Variants in NFATC2 observed in about 807,000 individuals in gnomAD.
NFATC2 encodes the protein nuclear factor of activated T cells 2.
A neutral mutation model predicts 87.3 loss-of-function variants in NFATC2; 22 were observed. The ratio of observed to expected loss-of-function variants is 0.25; its 90% CI spans 0.18 to 0.36. The LOEUF is 0.36. Among genes scored for constraint, NFATC2 ranks in the 10% least tolerant of loss-of-function variants. The pLI is 1.00. For missense variants in NFATC2, 1,149 were observed against 1,259.1 expected (o/e 0.91, Z 1.32); for synonymous variants, 565 against 542.2 (o/e 1.04, Z -0.58).
chr20:51,555,753 C>T (rs1437277783), intron 1 of NFATC2, among the ~76,000 whole-genome samples: 1 of 152,142 alleles, frequency 6.6e-6, no homozygotes, highest in African/African-American at 2.4e-5. Context: ...GCTCATTCTG[C>T]CTGGAATGCT....
At chr20:51,542,324 GC>G in intron 1 of NFATC2, 45 bp downstream of exon 1, 1 of 1,581,282 alleles carries the variant, frequency 6.3e-7, no homozygotes, top group Admixed American at 1.8e-5. Flanking sequence ...CCAGGCCTGA[GC>G]CCCTGGCGGG....
intron 3 of NFATC2, among the ~76,000 whole-genome samples, chr20:51,496,646 T>C (rs890214847): frequency 2.0e-5 from 3 of 152,172 alleles, no homozygotes; most frequent in Non-Finnish European, 4.4e-5. Context: ...TAACCTCTTT[T>C]TGGGGTACTA....
intron 3 of NFATC2, among the ~76,000 whole-genome samples, chr20:51,497,595 T>C (rs1398164071): frequency 1.3e-5 from 2 of 152,148 alleles, no homozygotes; most frequent in African/African-American, 4.8e-5. Context: ...CCCCCCATGA[T>C]AGACGTTCGC....
intron 3 of NFATC2, among the ~76,000 whole-genome samples, chr20:51,497,541 G>T (rs924708664): frequency 6.6e-5 from 10 of 152,100 alleles, no homozygotes; most frequent in Admixed American, 2.6e-4. Flanking sequence ...TTCAATCCCT[G>T]CAAACAAGGC....
intron 6 of NFATC2, among the ~76,000 whole-genome samples, chr20:51,441,422 A>G (rs228830): frequency 0.52 from 79,222 of 151,712 alleles, 22,704 homozygotes; most frequent in South Asian, 0.64. Flanking sequence ...ATAAGCAAAA[A>G]TGATAAAGTT....
intron 3 of NFATC2, among the ~76,000 whole-genome samples, chr20:51,489,458 C>A (rs546711805): frequency 2.0e-5 from 3 of 152,266 alleles, no homozygotes; most frequent in South Asian, 2.1e-4. Context: ...AGATGAGAAG[C>A]AACTGTTATT....
chr20:51,499,304 C>A (rs538535431), intron 3 of NFATC2, among the ~76,000 whole-genome samples: 1 of 152,054 alleles, frequency 6.6e-6, no homozygotes, highest in African/African-American at 2.4e-5. Context: ...CCCCAGGTGA[C>A]AGAGGGGAGG....
intron 3 of NFATC2, among the ~76,000 whole-genome samples, chr20:51,504,512 G>T (rs548126685): frequency 6.6e-6 from 1 of 152,194 alleles, no homozygotes; most frequent in Non-Finnish European, 1.5e-5. Context: ...TCTCAAGGTC[G>T]TTAAAGATTT....
chr20:51,477,576 T>TATATATATATATATATATATATATATAA (rs1555803322), intron 3 of NFATC2, among the ~76,000 whole-genome samples: 1 of 73,894 alleles, frequency 1.4e-5, no homozygotes, highest in Non-Finnish European at 3.0e-5. Context: ...TATATATATA[T>TATATATATATATATATATATATATATAA]ATATAAAATA....
At chr20:51,412,980 ATCCCCCGCTCCCGCCGCCCCCCCCCC>A (rs1211594618) in intron 9 of NFATC2, among the ~76,000 whole-genome samples, 2 of 4,310 alleles carry the variant, frequency 4.6e-4, no homozygotes, top group East Asian at 9.3e-3. Flanking sequence ...CGGCCCCCCC[ATCCCCCGCTCCCGCCGCCCCCCCCCC>A]TCCCCGCCAA....
intron 3 of NFATC2, among the ~76,000 whole-genome samples, chr20:51,491,871 TACACATACAC>T (rs1472066527): frequency 0.11 from 9,657 of 86,186 alleles, 810 homozygotes; most frequent in African/African-American, 0.19. Context: ...AACACACACA[TACACATACAC>T]ACACACACAC....
Position 51,496,389 on chromosome 20 carries a change from C to A in NFATC2, c.1332+20395G>T, listed in dbSNP as rs56226521. 2.0e-5 allele frequency among the ~76,000 whole-genome samples: 3 copies of A among 151,974 alleles called. No homozygotes were observed. In the East Asian group the frequency reaches 5.8e-4, roughly 29 times the overall value. On this transcript the variant is annotated intron_variant, in intron 3 of 10. Transcript: ENST00000371564. ...ACAGAGTTCCCTCACCTCTGCACAC[C>A]CCTGAAGCCTGGACCATTCTTCCTT...
At chr20:51,448,134 T>C (rs1985303538) in intron 6 of NFATC2, among the ~76,000 whole-genome samples, 1 of 152,130 alleles carries the variant, frequency 6.6e-6, no homozygotes, top group Non-Finnish European at 1.5e-5. Flanking sequence ...GAGTCCAGCA[T>C]GAGAGACCAG....
chr20:51,511,194 AC>A (rs2076266128), intron 3 of NFATC2, among the ~76,000 whole-genome samples: 1 of 150,614 alleles, frequency 6.6e-6, no homozygotes, highest in African/African-American at 2.4e-5. Flanking sequence ...ACTCCCCACC[AC>A]CCCCTGTTGC....
intron 9 of NFATC2, 113 bp from the exon 10 acceptor site, chr20:51,398,843 C>CTTTGGCTCTAGTTTAAGCCAGAA (rs1211346485): frequency 2.9e-5 from 22 of 746,204 alleles, no homozygotes; most frequent in Non-Finnish European, 4.6e-5. Context: ...GAACTTAACC[C>CTTTGGCTCTAGTTTAAGCCAGAA]TTTGGCTCTA....
intron 2 of NFATC2, among the ~76,000 whole-genome samples, chr20:51,520,140 A>G (rs1688105877): frequency 6.6e-6 from 1 of 152,208 alleles, no homozygotes; most frequent in Non-Finnish European, 1.5e-5. Context: ...CTGACACTCA[A>G]AACCTCTCTG....
intron 10 of NFATC2, among the ~76,000 whole-genome samples, chr20:51,395,784 A>G (rs1413058447): frequency 6.7e-6 from 1 of 150,368 alleles, no homozygotes; most frequent in Non-Finnish European, 1.5e-5. Context: ...TAAGAAGGAT[A>G]TTAATATTCT....
In NFATC2 at chr20:51,527,444, C is replaced by T. The variant is rs547704755; in HGVS notation, c.131-3334G>A. On this transcript the variant is annotated intron_variant, in intron 1 of 10. Transcript: ENST00000371564. ...GTGTTCTGTGCACATCTCACCATAA[C>T]GACTGAGGAACTGTGGAGTGCTCCG... Among the ~76,000 whole-genome samples, 10 of 152,274 alleles carry T rather than the reference C, an allele frequency of 6.6e-5. No individual in the cohort carries two copies. In the South Asian group the frequency reaches 1.9e-3, roughly 28 times the overall value.
Position 51,424,104 on chromosome 20 carries a change from C to G in NFATC2, c.2722+7963G>C, listed in dbSNP as rs886551927. ...GCCCCAGGGACAGATACCTGCATAT[C>G]GTTTAGGCACCCAGGAGAGGGACAG... On this transcript the variant is annotated intron_variant, in intron 9 of 10. Transcript: ENST00000371564. 3.3e-5 allele frequency among the ~76,000 whole-genome samples: 5 copies of G among 152,244 alleles called. No individual in the cohort carries two copies. The East Asian group carries it at 9.7e-4, about 29-fold the overall frequency.
Sources: allele counts gnomAD v4.1 joint callset (sites outside exome capture counted in the v4.1 genomes callset), GRCh38; gene constraint gnomAD v4.1.1; transcripts MANE v1.5; gene names NCBI Gene and HGNC (gene_info 2026-07-23, HGNC 2026-07-21).